ZFPM2: variants seen among roughly 807,000 people sequenced by gnomAD.
The protein encoded by ZFPM2 is zinc finger protein, FOG family member 2.
A neutral mutation model predicts 98.6 loss-of-function variants in ZFPM2; 20 were observed. The ratio of observed to expected loss-of-function variants is 0.20; its 90% CI spans 0.14 to 0.29. The LOEUF (loss-of-function observed/expected upper bound fraction) is 0.29, where lower values mean the gene tolerates loss of function less well. Ranked by LOEUF, ZFPM2 falls within the 10% of genes least tolerant of loss-of-function variation. The pLI, the probability that ZFPM2 is intolerant of heterozygous loss-of-function variation, is 1.00. For missense variants in ZFPM2, 1,310 were observed against 1,388.6 expected (o/e 0.94, Z 0.90); for synonymous variants, 518 against 502.7 (o/e 1.03, Z -0.41).
At chr8:105,399,790 G>A (rs1336472514) in intron 1 of ZFPM2, among the ~76,000 whole-genome samples, 4 of 151,932 alleles carry the variant, frequency 2.6e-5, no homozygotes, top group African/African-American at 7.3e-5. Context: ...GTTTTGAGAC[G>A]AAGTCTTGCT....
intron 2 of ZFPM2, among the ~76,000 whole-genome samples, chr8:105,422,817 T>A (rs1382058262): frequency 6.6e-6 from 1 of 152,206 alleles, no homozygotes; most frequent in East Asian, 1.9e-4. Context: ...AGTCATATTT[T>A]AGCAACTGCA....
intron 5 of ZFPM2, among the ~76,000 whole-genome samples, chr8:105,676,882 A>G (rs561310896): frequency 3.9e-5 from 6 of 152,128 alleles, no homozygotes; most frequent in Admixed American, 3.9e-4. Context: ...AGTGTCTAAA[A>G]TGCATAAAAT....
At chr8:105,511,511 C>A (rs1289047079) in intron 3 of ZFPM2, among the ~76,000 whole-genome samples, 5 of 152,150 alleles carry the variant, frequency 3.3e-5, no homozygotes, top group Non-Finnish European at 5.9e-5. Context: ...TGTCATGAAC[C>A]TTTGCTTTAT....
At chr8:105,481,381 G>A (rs1753609687) in intron 3 of ZFPM2, among the ~76,000 whole-genome samples, 1 of 152,082 alleles carries the variant, frequency 6.6e-6, no homozygotes, top group African/African-American at 2.4e-5. Context: ...GTTGGTGGTG[G>A]GGGCTCCCTT....
intron 4 of ZFPM2, among the ~76,000 whole-genome samples, chr8:105,575,527 A>G (rs1347261555): frequency 3.3e-5 from 5 of 152,208 alleles, no homozygotes; most frequent in Non-Finnish European, 7.3e-5. Flanking sequence ...CTTCAGTGCC[A>G]AACCTTCTGC....
chr8:105,532,063 G>A (rs1245237085), intron 3 of ZFPM2, among the ~76,000 whole-genome samples: 1 of 151,824 alleles, frequency 6.6e-6, no homozygotes, highest in African/African-American at 2.4e-5. Context: ...ACCACACCTG[G>A]CTAATTTTTC....
chr8:105,399,053 A>C (rs778618315), intron 1 of ZFPM2, among the ~76,000 whole-genome samples: 1 of 152,120 alleles, frequency 6.6e-6, no homozygotes, highest in Non-Finnish European at 1.5e-5. Flanking sequence ...TGGGGTTGGG[A>C]GAATTAAAAG....
chr8:105,445,778 T>C (rs1470153954), intron 3 of ZFPM2, among the ~76,000 whole-genome samples: 1 of 151,614 alleles, frequency 6.6e-6, no homozygotes, highest in East Asian at 1.9e-4. Flanking sequence ...CTAATTTTTA[T>C]ATTTTTTGTA....
chr8:105,744,191 C>T (rs1812289844), intron 5 of ZFPM2, among the ~76,000 whole-genome samples: 1 of 151,890 alleles, frequency 6.6e-6, no homozygotes, highest in South Asian at 2.1e-4. Flanking sequence ...CTCTGTTTTC[C>T]TCTCTCTCAA....
rs564781060 is a variant in ZFPM2, at chr8:105,787,488, G to A, written c.533-1230G>A. The stretch of plus-strand genomic sequence containing the variant: ...CAGCTGGCTTAATTAATTGCCCAAC[G>A]TTTCTCTAAAACAATGTTCTGATTC... On this transcript the variant is annotated intron_variant, in intron 5 of 7. Transcript: ENST00000407775. The A allele has an allele frequency of 2.0e-5, 3 of 152,120 alleles. No individual in the cohort carries two copies. The South Asian group carries it at 6.2e-4, about 32-fold the overall frequency. 9.4% of individuals were successfully genotyped at this position (152,120 alleles called of 1,614,324 possible).
chr8:105,648,987 A>G (rs1420286933), intron 5 of ZFPM2, among the ~76,000 whole-genome samples: 1 of 152,154 alleles, frequency 6.6e-6, no homozygotes, highest in Non-Finnish European at 1.5e-5. Context: ...TATTTTCACC[A>G]TATTGATTCT....
intron 1 of ZFPM2, among the ~76,000 whole-genome samples, chr8:105,341,930 T>G (rs1228057055): frequency 2.0e-5 from 3 of 152,038 alleles, no homozygotes; most frequent in Admixed American, 1.3e-4. Context: ...AGGTTGTTCA[T>G]CTGGAGATGG....
chr8:105,792,765 G>T (rs1813658733), intron 6 of ZFPM2, among the ~76,000 whole-genome samples: 1 of 152,144 alleles, frequency 6.6e-6, no homozygotes, highest in Non-Finnish European at 1.5e-5. Flanking sequence ...GAATCTGGGT[G>T]CTCCTGTATT....
At chr8:105,531,482 C>T (rs935556538) in intron 3 of ZFPM2, among the ~76,000 whole-genome samples, 8 of 152,234 alleles carry the variant, frequency 5.3e-5, no homozygotes, top group South Asian at 4.1e-4. Flanking sequence ...CTTCTTATAA[C>T]GACACTAGTC....
intron 4 of ZFPM2, among the ~76,000 whole-genome samples, chr8:105,632,086 G>A (rs2130835647): frequency 6.6e-6 from 1 of 152,238 alleles, no homozygotes; most frequent in South Asian, 2.1e-4. Context: ...TCCTGAAATG[G>A]TGGACTCCTT....
chr8:105,371,789 G>T lies in ZFPM2; in HGVS notation c.41-47355G>T, dbSNP rs936450688. ...TTAATTGCATAAAAAATGTTATAAA[G>T]GACATTATTAGGATGATTGGCAAAA... On this transcript the variant is annotated intron_variant, in intron 1 of 7. Transcript: ENST00000407775. Among the ~76,000 whole-genome samples, 29 of 151,912 alleles carry T rather than the reference G, an allele frequency of 1.9e-4. 1 individual carries two copies. Among genetic ancestry groups the T allele is most frequent in the Admixed American group, 1.8e-3 (28 of 15,240 alleles).
chr8:105,524,585 T>C (rs114174429), intron 3 of ZFPM2, among the ~76,000 whole-genome samples: 5,431 of 152,204 alleles, frequency 0.036, 104 homozygotes, highest in African/African-American at 0.057. Flanking sequence ...ACCCTTTCTT[T>C]ACTCTGTGGG....
chr8:105,579,156 T>G (rs1192802817), intron 4 of ZFPM2, among the ~76,000 whole-genome samples: 28 of 150,502 alleles, frequency 1.9e-4, no homozygotes, highest in Non-Finnish European at 4.1e-4. Flanking sequence ...TTTGTCAAAT[T>G]CTTGTAGTAA....
At chr8:105,447,552 G>A (rs1812400137) in intron 3 of ZFPM2, among the ~76,000 whole-genome samples, 1 of 152,024 alleles carries the variant, frequency 6.6e-6, no homozygotes, top group Non-Finnish European at 1.5e-5. Context: ...ATTGAGTTTA[G>A]CCGCAAATTA....
Sources: gnomAD v4.1 joint callset for allele counts (sites outside exome capture counted in the v4.1 genomes callset) on GRCh38, gnomAD v4.1.1 for gene constraint, MANE v1.5 for transcripts, NCBI Gene and HGNC (gene_info 2026-07-23, HGNC 2026-07-21) for gene names.